QKI: variants seen among roughly 807,000 people sequenced by gnomAD.
The protein encoded by QKI is KH domain-containing RNA-binding protein QKI.
A neutral mutation model predicts 39.0 loss-of-function variants in QKI; 10 were observed. The ratio of observed to expected loss-of-function variants is 0.26; its 90% confidence interval spans 0.16 to 0.43. The LOEUF is 0.43. QKI is among the 20% of genes least tolerant of loss of function. QKI has a pLI of 1.00. For missense variants in QKI, 218 were observed against 428.0 expected (o/e 0.51, Z 4.33); for synonymous variants, 204 against 155.4 (o/e 1.31, Z -2.33).
intron 3 of QKI, among the ~76,000 whole-genome samples, chr6:163,532,093 C>A (rs1780894734): frequency 6.6e-6 from 1 of 152,202 alleles, no homozygotes; most frequent in African/African-American, 2.4e-5. Context: ...GCAAATAATA[C>A]TGCAACTTTG....
intron 3 of QKI, among the ~76,000 whole-genome samples, chr6:163,527,135 C>T (rs965471418): frequency 6.6e-6 from 1 of 152,100 alleles, no homozygotes; most frequent in Non-Finnish European, 1.5e-5. Flanking sequence ...TTATCCTAGT[C>T]TTCATACTTT....
chr6:163,477,274 C>G (rs2128225003), intron 2 of QKI, among the ~76,000 whole-genome samples: 1 of 152,284 alleles, frequency 6.6e-6, no homozygotes, highest in African/African-American at 2.4e-5. Context: ...GTCTTGGCCT[C>G]CCAAAGTGTT....
intron 3 of QKI, among the ~76,000 whole-genome samples, chr6:163,508,941 C>T (rs558811685): frequency 1.2e-3 from 134 of 111,784 alleles, no homozygotes; most frequent in Non-Finnish European, 1.8e-3. Context: ...GAGTTCGAGA[C>T]CAGCCTGGCC....
chr6:163,418,339 AT>A (rs142778379), intron 1 of QKI, among the ~76,000 whole-genome samples: 331 of 152,250 alleles, frequency 2.2e-3, no homozygotes, highest in African/African-American at 7.4e-3. Flanking sequence ...CTAGTTACAA[AT>A]TTGAGGATTA....
intron 3 of QKI, among the ~76,000 whole-genome samples, chr6:163,512,027 AAGTTT>A (rs1320468817): frequency 6.6e-6 from 1 of 152,096 alleles, no homozygotes; most frequent in African/African-American, 2.4e-5. Context: ...TTGAGAATGC[AAGTTT>A]AGTTTTAACA....
chr6:163,538,326 A>G (rs1422715202), intron 4 of QKI, among the ~76,000 whole-genome samples: 1 of 152,234 alleles, frequency 6.6e-6, no homozygotes, highest in Non-Finnish European at 1.5e-5. Context: ...AAGAAAAATA[A>G]AGCAGAATAA....
chr6:163,439,520 T>G (rs1301054850), intron 1 of QKI, among the ~76,000 whole-genome samples: 4 of 151,436 alleles, frequency 2.6e-5, no homozygotes, highest in African/African-American at 9.7e-5. Context: ...GCTAATTTTT[T>G]TTTTTGTATT....
At chr6:163,532,438 T>C (rs1316809299) in intron 3 of QKI, among the ~76,000 whole-genome samples, 2 of 152,232 alleles carry the variant, frequency 1.3e-5, no homozygotes, top group Non-Finnish European at 2.9e-5. Context: ...TGCCAGACTT[T>C]TACCTTGTTG....
chr6:163,479,213 C>T (rs191530922), intron 3 of QKI, among the ~76,000 whole-genome samples: 43 of 151,928 alleles, frequency 2.8e-4, no homozygotes, highest in Admixed American at 9.8e-4. Context: ...TGCTTGAACC[C>T]GGGAGGCAGA....
rs1486577799 is a variant in QKI, at chr6:163,423,050, C to G, written c.142+7715C>G. On this transcript the variant is annotated intron_variant, in intron 1 of 7. Transcript: ENST00000361752. ...AGGTGGCTCATGCCTGTAATCCCAG[C>G]ACTTTGGGAGGCCGAGGCAGGTGGA... is the stretch of plus-strand genomic sequence containing the variant. The G allele has an allele frequency of 2.6e-5, 4 of 152,220 alleles. No individual in the cohort carries two copies. The East Asian group carries it at 5.8e-4, about 22-fold the overall frequency. 9.4% of individuals were successfully genotyped at this position (152,220 alleles called of 1,614,324 possible).
At chr6:163,499,018 T>C (rs969474586) in intron 3 of QKI, among the ~76,000 whole-genome samples, 1 of 152,182 alleles carries the variant, frequency 6.6e-6, no homozygotes, top group African/African-American at 2.4e-5. Context: ...TTAAATTTTG[T>C]GCACGAAACA....
intron 3 of QKI, among the ~76,000 whole-genome samples, chr6:163,505,380 C>T (rs1779029854): frequency 6.6e-6 from 1 of 152,204 alleles, no homozygotes; most frequent in African/African-American, 2.4e-5. Context: ...CCACTGACAG[C>T]TTGCACTATG....
chr6:163,482,642 A>G (rs1467376170), intron 3 of QKI, among the ~76,000 whole-genome samples: 2 of 149,494 alleles, frequency 1.3e-5, no homozygotes, highest in Non-Finnish European at 3.0e-5. Flanking sequence ...CTTATTTATT[A>G]TAAAGGATAT....
In QKI at chr6:163,426,220, C is replaced by T. The variant is rs757881591; in HGVS notation, c.142+10885C>T. On this transcript the variant is annotated intron_variant, in intron 1 of 7. Coordinates refer to ENST00000361752, the MANE Select transcript of QKI (RefSeq NM_006775.3). ...CTGCTCATTAAATCTGGTTGTTACG[C>T]CTTTTTAAATCTAGAACCATCTCTT... Among the ~76,000 whole-genome samples, 41 of 151,926 alleles carry T rather than the reference C, an allele frequency of 2.7e-4. 1 individual carries two copies. The highest frequency in any genetic ancestry group is 5.3e-4 in the Non-Finnish European group (36 of 67,984).
intron 3 of QKI, among the ~76,000 whole-genome samples, chr6:163,502,497 A>C (rs1250515765): frequency 4.2e-4 from 64 of 152,158 alleles, no homozygotes; most frequent in Admixed American, 4.2e-3. Context: ...CTGAGAGAGC[A>C]AGTTCAACCT....
intron 7 of QKI, chr6:163,568,394 G>C: frequency 1.0e-6 from 1 of 985,080 alleles, no homozygotes; most frequent in Non-Finnish European, 1.2e-6. Flanking sequence ...TATTGTATTT[G>C]GAAAATTACG....
At chr6:163,418,611 A>C (rs1438446321) in intron 1 of QKI, among the ~76,000 whole-genome samples, 2 of 152,112 alleles carry the variant, frequency 1.3e-5, no homozygotes, top group African/African-American at 4.8e-5. Flanking sequence ...AATATAAAGG[A>C]CATAAACTTG....
At chr6:163,560,666 A>G (rs751759492) in intron 4 of QKI, among the ~76,000 whole-genome samples, 1 of 152,222 alleles carries the variant, frequency 6.6e-6, no homozygotes, top group African/African-American at 2.4e-5. Flanking sequence ...GCTTAACTTG[A>G]GAGGATATTT....
intron 3 of QKI, among the ~76,000 whole-genome samples, chr6:163,490,018 GA>G: frequency 6.6e-6 from 1 of 152,188 alleles, no homozygotes. Flanking sequence ...TAGGGAGTAG[GA>G]ACTGTTACAG....
Sources: gnomAD v4.1 joint callset for allele counts (sites outside exome capture counted in the v4.1 genomes callset) on GRCh38, gnomAD v4.1.1 for gene constraint, MANE v1.5 for transcripts, NCBI Gene and HGNC (gene_info 2026-07-23, HGNC 2026-07-21) for gene names.